The following SCAP variants were observed in gnomAD, a reference collection of about 807,000 sequenced individuals.
The protein encoded by SCAP is SREBF chaperone.
A neutral mutation model predicts 123.6 loss-of-function variants in SCAP; 65 were observed. The observed-to-expected ratio is 0.53, with a 90% confidence interval of 0.43 to 0.65. SCAP has a LOEUF of 0.65. SCAP is among the 30% of genes least tolerant of loss of function. The pLI is 0.00. For synonymous variants in SCAP, 740 were observed against 726.3 expected (o/e 1.02, Z -0.30); for missense variants, 1,398 against 1,712.5 (o/e 0.82, Z 3.24).
rs753435400 is a variant in SCAP, at chr3:47,417,778, C to G, written c.2496G>C (p.Glu832Asp). 6.3e-7 allele frequency: 1 copy of G among 1,583,374 alleles called. No individual in the cohort carries two copies. The highest frequency in any genetic ancestry group is 8.6e-7 in the Non-Finnish European group (1 of 1,167,520). The change falls in exon 17 of 23, where the codon GAG becomes GAC. Residue 832 changes from glutamate to aspartate, a missense_variant. Physicochemically the swap from Glu to Asp is conservative, Grantham distance 45 (BLOSUM62 2). Transcript: ENST00000265565. Reference sequence around the variant, plus strand: ...CACCATCTGAAAGTCGTTCCCAGCTCTCCTGAGCCTCAAGCCCGCTGCCCA... The same window carrying G: ...CACCATCTGAAAGTCGTTCCCAGCTGTCCTGAGCCTCAAGCCCGCTGCCCA... Reference protein sequence around the residue: ...SGVGSGLEAQESWERLSDGGK... With the variant: ...SGVGSGLEAQDSWERLSDGGK...
chr3:47,446,469 C>G (rs941980085), intron 1 of SCAP, among the ~76,000 whole-genome samples: 2 of 152,206 alleles, frequency 1.3e-5, no homozygotes, highest in South Asian at 2.1e-4. Context: ...CCGTGCCTGG[C>G]CCCCCTCAAT....
chr3:47,418,326 G>C lies in SCAP; in HGVS notation c.2326C>G (p.Leu776Val). The C allele has an allele frequency of 6.4e-7, 1 of 1,561,784 alleles. No individual in the cohort carries two copies. ...GCCACTGTGCCCCTGCTCACCATGAGGTGGCCGCGCAGCACAAGCGGCACG... is the reference window on the plus strand; with the variant it reads ...GCCACTGTGCCCCTGCTCACCATGACGTGGCCGCGCAGCACAAGCGGCACG... ...EIVPLVLRGH[L>V]MDIECLASDG... is the part of the protein sequence containing the mutation. The change falls in exon 15 of 23, where the codon CTC becomes GTC. Residue 776 changes from leucine to valine, a missense_variant. Around this residue, in one of 7 missense-constraint regions of SCAP, gnomAD observed 828 missense variants for 882.5 expected, o/e 0.94. Coordinates refer to ENST00000265565, the MANE Select transcript of SCAP (RefSeq NM_012235.4).
intron 1 of SCAP, among the ~76,000 whole-genome samples, chr3:47,464,984 C>T (rs977023399): frequency 4.6e-5 from 7 of 151,872 alleles, no homozygotes; most frequent in African/African-American, 1.7e-4. Context: ...AGTGAACAAT[C>T]TAAAAACAAA....
At chr3:47,429,317 C>G (rs2107834559) in intron 3 of SCAP, among the ~76,000 whole-genome samples, 1 of 152,368 alleles carries the variant, frequency 6.6e-6, no homozygotes, top group Non-Finnish European at 1.5e-5. Context: ...ACTGTGGGAC[C>G]AGGTGTAGGC....
chr3:47,441,874 C>CTTTTTTTTTTTTTT (rs1160447716), intron 2 of SCAP, among the ~76,000 whole-genome samples: 8 of 76,408 alleles, frequency 1.0e-4, no homozygotes, highest in Non-Finnish European at 1.2e-4. Context: ...GTTCATCTTT[C>CTTTTTTTTTTTTTT]TTTTTTTTTT....
rs773002790 is a variant in SCAP at position 47,419,606 on chromosome 3, A to G, written c.1662T>C (p.Gly554=). The G allele has an allele frequency of 4.4e-6, 7 of 1,603,754 alleles. No homozygotes were observed. The highest frequency in any genetic ancestry group is 6.0e-6 in the Non-Finnish European group (7 of 1,174,250). The part of the protein sequence containing the change: ...AAQVTEQSPL[G]EGALAPMPVP... ...CGGGCATGGGAGCCAGGGCTCCCTC[A>G]CCCAATGGGCTCTGTTCCGTCACCT... is the stretch of plus-strand genomic sequence containing the variant. Residue 554 remains glycine (G), a synonymous_variant, in exon 13 of 23, where the codon GGT becomes GGC. Coordinates refer to ENST00000265565, the MANE Select transcript of SCAP (RefSeq NM_012235.4). This position sits in a 1 kb window ranked among gnomAD's most constrained non-coding sequence, Gnocchi z 5.0.
rs1248740755 is a variant in SCAP at position 47,418,250 on chromosome 3, C to T, written c.2332-1G>A. ...CGTCGCTGGCCAGGCACTCGATGTCCTGCAGAAGCCCGGTGTTGGTATGGG... is the reference window on the plus strand; with the variant it reads ...CGTCGCTGGCCAGGCACTCGATGTCTTGCAGAAGCCCGGTGTTGGTATGGG... On this transcript the variant is annotated splice_acceptor_variant, in intron 15 of 22. Transcript: ENST00000265565. LOFTEE classifies it high-confidence loss of function. The T allele has an allele frequency of 3.8e-6, 6 of 1,562,496 alleles. No homozygotes were observed.
Position 47,424,004 on chromosome 3 carries a change from T to C in SCAP, c.1079A>G (p.Asn360Ser). Residue 360 changes from asparagine (N) to serine (S), a missense_variant, in exon 9 of 23, where the codon AAT becomes AGT. By Grantham distance (46) the Asn-to-Ser change is conservative (BLOSUM62 1). This residue lies in a region of SCAP where 9 missense variants were observed against 32.8 expected (regional missense o/e 0.27). Transcript: ENST00000265565. ...CACAGACTTGGTGAGCACCAACACA[T>C]TCTCTAACCCAATAACCACCACAAG... ...PYLVVVIGLENVLVLTKSVVS... is the reference protein window; with the variant it reads ...PYLVVVIGLESVLVLTKSVVS... The C allele has an allele frequency of 1.2e-6, 2 of 1,614,126 alleles. No homozygotes were observed. Among genetic ancestry groups the C allele is most frequent in the Non-Finnish European group, 1.7e-6 (2 of 1,180,002 alleles).
In SCAP at chr3:47,418,507, G is replaced by A; in HGVS notation, c.2145C>T (p.Gly715=). The change falls in exon 15 of 23, where the codon GGC becomes GGT. Residue 715 remains glycine (G), a synonymous_variant. Coordinates refer to ENST00000265565, the MANE Select transcript of SCAP (RefSeq NM_012235.4). ...GCACCAAGACGATGCCGGTGGCCAG[G>A]CCCAGCGCCGCCACCCTGCACGGGA... The part of the protein sequence containing the change: ...DVTLYKVAAL[G]LATGIVLVLL... 1 of 1,594,126 alleles carries A rather than the reference G, an allele frequency of 6.3e-7. No individual in the cohort carries two copies. Among genetic ancestry groups the A allele is most frequent in the Non-Finnish European group, 8.5e-7 (1 of 1,171,560 alleles).
chr3:47,475,640 G>A (rs1440431644), intron 1 of SCAP, 159 bp downstream of exon 1: 3 of 152,322 alleles, frequency 2.0e-5, no homozygotes, highest in East Asian at 1.9e-4. Context: ...CCTCCTTGCC[G>A]GCCTGCGGTC....
chr3:47,419,597 G>T lies in SCAP; in HGVS notation c.1671C>A (p.Ala557=), dbSNP rs770012235. 4.4e-6 allele frequency: 7 copies of T among 1,606,622 alleles called. No individual in the cohort carries two copies. The African/African-American group carries it at 9.4e-5, about 21-fold the overall frequency. ...VTEQSPLGEG[A]LAPMPVPSGM... is the part of the protein sequence containing the mutation. ...CACTAGGCACGGGCATGGGAGCCAGGGCTCCCTCACCCAATGGGCTCTGTT... is the reference window on the plus strand; with the variant it reads ...CACTAGGCACGGGCATGGGAGCCAGTGCTCCCTCACCCAATGGGCTCTGTT... Residue 557 remains alanine (A), a synonymous_variant, in exon 13 of 23, where the codon GCC becomes GCA. Coordinates refer to ENST00000265565, the MANE Select transcript of SCAP (RefSeq NM_012235.4). The surrounding 1 kb of genome is among the most constrained non-coding windows in gnomAD (Gnocchi z 5.0).
chr3:47,455,361 G>A (rs939353228), intron 1 of SCAP, among the ~76,000 whole-genome samples: 34 of 151,430 alleles, frequency 2.2e-4, no homozygotes, highest in Admixed American at 1.4e-3. Flanking sequence ...TTGGGAGGCC[G>A]AGATGGGCAG....
chr3:47,422,460 G>A lies in SCAP; in HGVS notation c.1227C>T (p.Thr409=). ...ELGIILIGYF[T]LVPAIQEFCL... ...GCCTTACCTGGATGGCGGGCACTAG[G>A]GTGAAGTAGCCGATGAGGATGATGC... The change falls in exon 10 of 23, where the codon ACC becomes ACT. Residue 409 remains threonine, a synonymous_variant. Transcript: ENST00000265565. 1 of 1,613,702 alleles carries A rather than the reference G, an allele frequency of 6.2e-7. No homozygotes were observed. Among genetic ancestry groups the A allele is most frequent in the Admixed American group, 1.7e-5 (1 of 60,014 alleles).
Position 47,415,148 on chromosome 3 carries a change from T to C in SCAP, c.3089A>G (p.Asp1030Gly). ...IVAARLNGSL[D>G]FFSLETHTAL... is the part of the protein sequence containing the mutation. ...AGTGTGGGTCTCCAAGGAGAAGAAA[T>C]CAAGGGAACCGTTGAGCCGTGCAGC... is the stretch of plus-strand genomic sequence containing the variant. Residue 1030 changes from aspartate (D) to glycine (G), a missense_variant, in exon 19 of 23, where the codon GAT becomes GGT. Physicochemically the swap from Asp to Gly is moderately conservative, Grantham distance 94. Transcript: ENST00000265565. The C allele has an allele frequency of 6.2e-7, 1 of 1,612,054 alleles. No homozygotes were observed. The highest frequency in any genetic ancestry group is 8.5e-7 in the Non-Finnish European group (1 of 1,179,554).
chr3:47,435,465 AACATACAC>A (rs55946521), intron 2 of SCAP, among the ~76,000 whole-genome samples: 17,574 of 121,330 alleles, frequency 0.14, 1,362 homozygotes, highest in Admixed American at 0.19. Flanking sequence ...ATATAATATA[AACATACAC>A]ACACACACAC....
At chr3:47,443,303 CT>C (rs34798139) in intron 1 of SCAP, 3,545 of 202,188 alleles carry the variant, frequency 0.018, 63 homozygotes, top group Admixed American at 0.038. Context: ...CTCTCTCTCT[CT>C]CTCTCTCCCT....
chr3:47,450,320 G>A lies in SCAP; in HGVS notation c.-98-7229C>T, dbSNP rs912865708. Among the ~76,000 whole-genome samples, 2 of 124,910 alleles carry A rather than the reference G, an allele frequency of 1.6e-5. 1 individual carries two copies. The highest frequency in any genetic ancestry group is 3.5e-5 in the Non-Finnish European group (2 of 56,358). The allele number at this position is 124,910 out of a possible 152,430, so 81.9% of individuals were successfully genotyped here. On this transcript the variant is annotated intron_variant, in intron 1 of 22. Transcript: ENST00000265565. ...GCCCTAAGGAAACTTTTCACACTAC[G>A]CCTACTGGCATTTTTCTGTCAATCA...
chr3:47,417,664 C>A lies in SCAP; in HGVS notation c.2610G>T (p.Gln870His). Residue 870 changes from glutamine (Q) to histidine (H), a missense_variant, in exon 17 of 23, where the codon CAG becomes CAT. This residue lies in a region of SCAP where 828 missense variants were observed against 882.5 expected (regional missense o/e 0.94). Coordinates refer to ENST00000265565, the MANE Select transcript of SCAP (RefSeq NM_012235.4). The part of the protein sequence containing the change: ...GPPPPSLFGD[Q>H]PDLTCLIDTN... ...TGTCAATTAAGCAGGTGAGGTCAGG[C>A]TGGTCCCCGAAGAGGGAAGGCGGCG... The A allele has an allele frequency of 6.2e-7, 1 of 1,608,656 alleles. No individual in the cohort carries two copies. Among genetic ancestry groups the A allele is most frequent in the Non-Finnish European group, 8.5e-7 (1 of 1,178,524 alleles).
intron 3 of SCAP, among the ~76,000 whole-genome samples, chr3:47,432,314 G>GAAAAAAA (rs11308011): frequency 1.3e-5 from 1 of 75,696 alleles, no homozygotes; most frequent in Admixed American, 1.7e-4. Flanking sequence ...ACTCCGTCTT[G>GAAAAAAA]AAAAAAAAAA....
Sources: gnomAD v4.1 joint callset for allele counts (sites outside exome capture counted in the v4.1 genomes callset) on GRCh38, gnomAD v4.1.1 for gene constraint, gnomAD v4.1.1 regional missense constraint, Gnocchi (gnomAD v3.1) non-coding constraint, MANE v1.5 for transcripts, NCBI Gene and HGNC (gene_info 2026-07-23, HGNC 2026-07-21) for gene names.